The following DLGAP1 variants were observed in gnomAD, a reference collection of about 807,000 sequenced individuals.
DLGAP1 encodes the protein DLG associated protein 1.
DLGAP1 carries 11 observed loss-of-function variants against 90.8 expected under a neutral mutation model. The ratio of observed to expected loss-of-function variants is 0.12; its 90% CI spans 0.08 to 0.20. The LOEUF (loss-of-function observed/expected upper bound fraction) is 0.20, where lower values mean the gene tolerates loss of function less well. Among genes scored for constraint, DLGAP1 ranks in the 10% least tolerant of loss-of-function variants. The pLI, the probability that DLGAP1 is intolerant of heterozygous loss-of-function variation, is 1.00. For synonymous variants in DLGAP1, 558 were observed against 540.7 expected (o/e 1.03, Z -0.44); for missense variants, 1,050 against 1,333.8 (o/e 0.79, Z 3.31).
At position 3,976,898 on chromosome 18, in the gene DLGAP1, G is replaced by GA. The variant is rs1477168532; in HGVS notation, c.-73+28217dup. Among the ~76,000 whole-genome samples, 11 of 152,148 alleles carry GA rather than the reference G, an allele frequency of 7.2e-5. 2 individuals are homozygous for GA. The highest frequency in any genetic ancestry group is 2.7e-4 in the African/African-American group (11 of 41,506). On this transcript the variant is annotated intron_variant, in intron 3 of 12. Coordinates refer to ENST00000315677, the MANE Select transcript of DLGAP1 (RefSeq NM_004746.4). ...ATTTTTTAAATCTGTTAATTTAATA[G>GA]AAAAAATATATCTCATGATTTAGAT...
chr18:4,237,561 T>A (rs1251469980), intron 1 of DLGAP1, among the ~76,000 whole-genome samples: 1 of 152,178 alleles, frequency 6.6e-6, no homozygotes, highest in African/African-American at 2.4e-5. Flanking sequence ...TTTCTGAGAC[T>A]GACTCTGCGG....
chr18:3,782,689 C>T (rs988544944), intron 5 of DLGAP1, among the ~76,000 whole-genome samples: 1 of 152,180 alleles, frequency 6.6e-6, no homozygotes, highest in Non-Finnish European at 1.5e-5. Context: ...ATGCACAATT[C>T]CTCTTTGTTC....
At chr18:4,402,153 C>T (rs1458380002) in intron 1 of DLGAP1, among the ~76,000 whole-genome samples, 2 of 152,194 alleles carry the variant, frequency 1.3e-5, no homozygotes, top group South Asian at 2.1e-4. Flanking sequence ...TTGGCGATAA[C>T]TGAACTTCAC....
chr18:3,677,691 C>T (rs1038118000), intron 7 of DLGAP1, among the ~76,000 whole-genome samples: 8 of 152,222 alleles, frequency 5.3e-5, no homozygotes, highest in Middle Eastern at 3.2e-3. Context: ...CGGAGTCTCA[C>T]TCTGTCGCCC....
At chr18:3,793,540 T>TA (rs2065843515) in intron 5 of DLGAP1, among the ~76,000 whole-genome samples, 2 of 152,176 alleles carry the variant, frequency 1.3e-5, no homozygotes, top group Admixed American at 1.3e-4. Flanking sequence ...TTTATCCCCT[T>TA]AAAGTGCTGG....
At chr18:3,523,030 A>G (rs2051314225) in intron 10 of DLGAP1, among the ~76,000 whole-genome samples, 1 of 152,194 alleles carries the variant, frequency 6.6e-6, no homozygotes, top group Non-Finnish European at 1.5e-5. Flanking sequence ...AAATAAATAA[A>G]TGAGACTGTG....
chr18:3,561,545 TG>T lies in DLGAP1; in HGVS notation c.2057+5944del, dbSNP rs1393908545. ...AACTTCTTAACATTTCTTGAAGGTC[TG>T]CTGGCAACAAATTCCCTCAATTTTT... is the stretch of plus-strand genomic sequence containing the variant. On this transcript the variant is annotated intron_variant, in intron 9 of 12. Coordinates refer to ENST00000315677, the MANE Select transcript of DLGAP1 (RefSeq NM_004746.4). 3.3e-5 allele frequency among the ~76,000 whole-genome samples: 5 copies of T among 150,784 alleles called. 1 individual carries two copies. The highest frequency in any genetic ancestry group is 7.4e-5 in the Non-Finnish European group (5 of 67,992).
chr18:3,816,205 C>T (rs926593196), intron 4 of DLGAP1, among the ~76,000 whole-genome samples: 2 of 152,142 alleles, frequency 1.3e-5, no homozygotes, highest in African/African-American at 2.4e-5. Context: ...TGCCAAAGGA[C>T]ACACAGCTAA....
At chr18:3,884,750 T>A (rs1252754993) in intron 3 of DLGAP1, among the ~76,000 whole-genome samples, 1 of 152,246 alleles carries the variant, frequency 6.6e-6, no homozygotes, top group Non-Finnish European at 1.5e-5. Context: ...ACCTCTATTT[T>A]CTTGGAGGGT....
chr18:3,954,878 C>T (rs1051610181), intron 3 of DLGAP1, among the ~76,000 whole-genome samples: 1 of 152,056 alleles, frequency 6.6e-6, no homozygotes, highest in Non-Finnish European at 1.5e-5. Context: ...TAAGATAAGC[C>T]CCCAAATTGC....
chr18:4,107,007 T>C (rs1247992902), intron 2 of DLGAP1, among the ~76,000 whole-genome samples: 1 of 152,210 alleles, frequency 6.6e-6, no homozygotes, highest in Non-Finnish European at 1.5e-5. Flanking sequence ...TCTGATCGTT[T>C]AAAATAAAAT....
intron 1 of DLGAP1, among the ~76,000 whole-genome samples, chr18:4,418,786 C>G (rs184544791): frequency 2.0e-3 from 308 of 151,766 alleles, no homozygotes; most frequent in African/African-American, 7.0e-3. Flanking sequence ...CAGGGCAGAA[C>G]AAACATTTGA....
At chr18:4,025,256 G>A (rs2074680752) in intron 2 of DLGAP1, among the ~76,000 whole-genome samples, 1 of 152,056 alleles carries the variant, frequency 6.6e-6, no homozygotes, top group Non-Finnish European at 1.5e-5. Context: ...TCAAAGAGGT[G>A]AGTACTGCTA....
chr18:3,700,911 C>T (rs982168042), intron 7 of DLGAP1, among the ~76,000 whole-genome samples: 1 of 149,840 alleles, frequency 6.7e-6, no homozygotes, highest in Admixed American at 6.6e-5. Context: ...GCCCAGCCGA[C>T]TTTGTTGCCC....
In DLGAP1 at chr18:4,003,118, A is replaced by G. The variant is rs371514208; in HGVS notation, c.-73+1998T>C. Among the ~76,000 whole-genome samples the G allele has an allele frequency of 3.2e-4, 48 of 152,342 alleles. 3 individuals carry two copies. The South Asian group carries it at 3.9e-3, about 13-fold the overall frequency. ...CAGGGTGGTAGAGGATAAGTCTTAG[A>G]GAACCATGACCCCTCGTGGGAACAT... On this transcript the variant is annotated intron_variant, in intron 3 of 12. Coordinates refer to ENST00000315677, the MANE Select transcript of DLGAP1 (RefSeq NM_004746.4).
intron 7 of DLGAP1, among the ~76,000 whole-genome samples, chr18:3,688,661 AC>A (rs1567965762): frequency 0.1 from 7,570 of 75,266 alleles, 346 homozygotes; most frequent in African/African-American, 0.19. Context: ...ACACACACAC[AC>A]ACACACCCTA....
intron 1 of DLGAP1, among the ~76,000 whole-genome samples, chr18:4,352,044 C>A (rs2081413911): frequency 6.6e-6 from 1 of 152,182 alleles, no homozygotes; most frequent in Non-Finnish European, 1.5e-5. Flanking sequence ...ATTCACAGTA[C>A]TATTTCTAGA....
chr18:4,280,082 G>A (rs1471839860), intron 1 of DLGAP1, among the ~76,000 whole-genome samples: 1 of 151,770 alleles, frequency 6.6e-6, no homozygotes, highest in Non-Finnish European at 1.5e-5. Context: ...TGTTAAATAT[G>A]ACATACTGGC....
At chr18:4,287,020 C>G (rs763384492) in intron 1 of DLGAP1, among the ~76,000 whole-genome samples, 1 of 152,078 alleles carries the variant, frequency 6.6e-6, no homozygotes, top group Non-Finnish European at 1.5e-5. Flanking sequence ...CTCTGCACCT[C>G]TGCTATTGCT....
Sources: gnomAD v4.1 joint callset for allele counts (sites outside exome capture counted in the v4.1 genomes callset) on GRCh38, gnomAD v4.1.1 for gene constraint, MANE v1.5 for transcripts, NCBI Gene and HGNC (gene_info 2026-07-23, HGNC 2026-07-21) for gene names.